TEX14: variants seen among roughly 807,000 people sequenced by gnomAD.
The protein encoded by TEX14 is testis expressed 14, intercellular bridge forming factor, also known as inactive serine/threonine-protein kinase TEX14.
Under a neutral mutation model 178.6 loss-of-function variants are expected in TEX14, and 168 were observed. The observed-to-expected ratio is 0.94, with a 90% CI of 0.83 to 1.07. TEX14 has a LOEUF of 1.07. Among genes scored for constraint, TEX14 ranks in the 50% least tolerant of loss-of-function variants. The probability of loss-of-function intolerance (pLI) is 0.00; values close to 1 mark genes in which losing one functional copy is unlikely to be tolerated. For synonymous variants in TEX14, 626 were observed against 634.1 expected (o/e 0.99, Z 0.19); for missense variants, 1,730 against 1,753.6 (o/e 0.99, Z 0.24).
At position 58,599,646 on chromosome 17, in the gene TEX14, T is replaced by G. The variant is rs1265492339; in HGVS notation, c.1699A>C (p.Arg567=). The G allele has an allele frequency of 6.2e-7, 1 of 1,611,678 alleles. No individual in the cohort carries two copies. The highest frequency in any genetic ancestry group is 8.5e-7 in the Non-Finnish European group (1 of 1,179,036). ...KEMGSQPHSP[R]VHSLFTEGTL... ...CCCTCAGTGAATAAAGAGTGAACCCTTGGTGAATGAGGTTGACTGCCTATT... is the reference window on the plus strand; with the variant it reads ...CCCTCAGTGAATAAAGAGTGAACCCGTGGTGAATGAGGTTGACTGCCTATT... Residue 567 remains arginine, a synonymous_variant, in exon 14 of 32, where the codon AGG becomes CGG. Coordinates refer to ENST00000349033, the MANE Select transcript of TEX14 (RefSeq NM_031272.5).
chr17:58,593,677 A>G lies in TEX14; in HGVS notation c.2470-16T>C. The G allele has an allele frequency of 6.2e-7, 1 of 1,604,358 alleles. No individual in the cohort carries two copies. Among genetic ancestry groups the G allele is most frequent in the Non-Finnish European group, 8.5e-7 (1 of 1,171,324 alleles). ...GAGTCGGCAGCTTAAAAAGCAATAA[A>G]CATGTTTCAGGGCTTTGATGAGAGA... On this transcript the variant is annotated splice_polypyrimidine_tract_variant and intron_variant, in intron 14 of 31. Coordinates refer to ENST00000349033, the MANE Select transcript of TEX14 (RefSeq NM_031272.5).
intron 1 of TEX14, among the ~76,000 whole-genome samples, chr17:58,683,369 T>TTC (rs1398599653): frequency 8.0e-6 from 1 of 124,858 alleles, no homozygotes; most frequent in African/African-American, 3.3e-5. Flanking sequence ...CAAGACTCCA[T>TTC]CCCCCCCCCC....
intron 29 of TEX14, among the ~76,000 whole-genome samples, chr17:58,560,119 G>A (rs1162568799): frequency 3.3e-5 from 5 of 152,034 alleles, no homozygotes; most frequent in Admixed American, 6.6e-5. Flanking sequence ...CCTTATAGGC[G>A]GCAGAGCCAT....
chr17:58,677,978 C>T (rs1221057994), intron 1 of TEX14, among the ~76,000 whole-genome samples: 1 of 152,132 alleles, frequency 6.6e-6, no homozygotes, highest in Non-Finnish European at 1.5e-5. Context: ...GGTGAAACCC[C>T]ATCTCTACTA....
intron 30 of TEX14, 152 bp from the exon 31 acceptor site, chr17:58,558,002 C>A: frequency 3.5e-6 from 2 of 573,726 alleles, no homozygotes; most frequent in Admixed American, 3.2e-5. Context: ...TTTCTAAAAA[C>A]ACAATTAATG....
At chr17:58,640,640 T>TGA (rs1298343973) in intron 2 of TEX14, among the ~76,000 whole-genome samples, 5 of 142,366 alleles carry the variant, frequency 3.5e-5, no homozygotes, top group African/African-American at 1.0e-4. Context: ...TGTGTGTGTG[T>TGA]GTGTGAGAGA....
intron 2 of TEX14, among the ~76,000 whole-genome samples, chr17:58,641,488 T>TTA (rs1555577863): frequency 3.1e-4 from 44 of 143,644 alleles, no homozygotes; most frequent in African/African-American, 1.0e-3. Flanking sequence ...TTCTCTTTTA[T>TTA]TTATTATTAT....
chr17:58,678,818 TATAATAATAATA>T lies in TEX14; in HGVS notation c.-2+13109_-2+13120del, dbSNP rs56142259. Among the ~76,000 whole-genome samples, 56 of 137,312 alleles carry T rather than the reference TATAATAATAATA, an allele frequency of 4.1e-4. 1 individual carries two copies. The highest frequency in any genetic ancestry group is 1.3e-3 in the African/African-American group (48 of 37,106). The allele number at this position is 137,312 out of a possible 152,430, so 90.1% of individuals were successfully genotyped here. ...TGCACATGTACCCTAGAACTTAAAG[TATAATAATAATA>T]ATAATAATAATAATAATAATAATAA... On this transcript the variant is annotated intron_variant, in intron 1 of 31. Coordinates refer to ENST00000349033, the MANE Select transcript of TEX14 (RefSeq NM_031272.5).
At chr17:58,675,677 G>A (rs892363982) in intron 1 of TEX14, among the ~76,000 whole-genome samples, 2 of 152,146 alleles carry the variant, frequency 1.3e-5, no homozygotes, top group African/African-American at 4.8e-5. Context: ...TGTTCCAAGG[G>A]TATCTGCATT....
At position 58,595,832 on chromosome 17, in the gene TEX14, T is replaced by C. The variant is rs184273767; in HGVS notation, c.2470-2171A>G. Among the ~76,000 whole-genome samples, 22 of 152,342 alleles carry C rather than the reference T, an allele frequency of 1.4e-4. 1 individual carries two copies. In the East Asian group the frequency reaches 4.2e-3, roughly 29 times the overall value. On this transcript the variant is annotated intron_variant, in intron 14 of 31. Transcript: ENST00000349033. Reference sequence around the variant, plus strand: ...ATAAACTATTGTTATTTTAAGCCATTAGGTTTTGGGCTTTGTTGTTGTTGC... The same window carrying C: ...ATAAACTATTGTTATTTTAAGCCATCAGGTTTTGGGCTTTGTTGTTGTTGC...
chr17:58,623,532 A>G (rs1345291146), intron 3 of TEX14, among the ~76,000 whole-genome samples: 1 of 152,108 alleles, frequency 6.6e-6, no homozygotes, highest in East Asian at 1.9e-4. Flanking sequence ...TCAAGGATCT[A>G]CACCTCAGAA....
chr17:58,643,865 ACT>A (rs1312402456), intron 2 of TEX14, among the ~76,000 whole-genome samples: 2 of 109,554 alleles, frequency 1.8e-5, no homozygotes, highest in Non-Finnish European at 3.5e-5. Context: ...ACAGAGCAAG[ACT>A]CTGTCTCAAA....
intron 14 of TEX14, among the ~76,000 whole-genome samples, chr17:58,596,037 G>T (rs531974347): frequency 6.6e-6 from 1 of 152,092 alleles, no homozygotes; most frequent in Non-Finnish European, 1.5e-5. Context: ...ACAAAAATTA[G>T]CCGGGCATGG....
chr17:58,659,306 T>C (rs561974936), intron 1 of TEX14: 45 of 973,854 alleles, frequency 4.6e-5, no homozygotes, highest in South Asian at 9.5e-5. Context: ...ACAAAGACAT[T>C]ATTTACTTAA....
chr17:58,643,122 A>C (rs1320397025), intron 2 of TEX14, among the ~76,000 whole-genome samples: 1 of 152,196 alleles, frequency 6.6e-6, no homozygotes, highest in Non-Finnish European at 1.5e-5. Flanking sequence ...TCATGAATGT[A>C]TTGTTCCTTC....
intron 1 of TEX14, among the ~76,000 whole-genome samples, chr17:58,652,584 C>T (rs1410278107): frequency 6.6e-6 from 1 of 152,164 alleles, no homozygotes; most frequent in Non-Finnish European, 1.5e-5. Flanking sequence ...TTATAAATTA[C>T]CAAGTCTCCG....
At chr17:58,632,855 G>A (rs1035302754) in intron 2 of TEX14, among the ~76,000 whole-genome samples, 1 of 152,102 alleles carries the variant, frequency 6.6e-6, no homozygotes, top group Non-Finnish European at 1.5e-5. Context: ...CATAGTACTC[G>A]ACCAATGAGG....
At chr17:58,688,369 C>G (rs907645718) in intron 1 of TEX14, among the ~76,000 whole-genome samples, 2 of 152,150 alleles carry the variant, frequency 1.3e-5, no homozygotes, top group African/African-American at 4.8e-5. Context: ...ATCTGCCAGC[C>G]TCAGCCTCCT....
At chr17:58,625,129 G>GTT (rs11324185) in intron 3 of TEX14, among the ~76,000 whole-genome samples, 1 of 145,788 alleles carries the variant, frequency 6.9e-6, no homozygotes, top group Non-Finnish European at 1.5e-5. Flanking sequence ...TGTTTTTTGG[G>GTT]TTTTTTTTTT....
Sources: allele counts gnomAD v4.1 joint callset (sites outside exome capture counted in the v4.1 genomes callset), GRCh38; gene constraint gnomAD v4.1.1; transcripts MANE v1.5; gene names NCBI Gene and HGNC (gene_info 2026-07-23, HGNC 2026-07-21).